The following ATF2 variants were observed in gnomAD, a reference collection of about 807,000 sequenced individuals.
ATF2 encodes the protein activating transcription factor 2.
A neutral mutation model predicts 60.6 loss-of-function variants in ATF2; 24 were observed. The observed-to-expected ratio is 0.40, with a 90% confidence interval of 0.29 to 0.56. ATF2 has a LOEUF of 0.56. ATF2 is among the 20% of genes least tolerant of loss of function. The pLI is 0.54. For missense variants in ATF2, 433 were observed against 607.7 expected, an observed-to-expected ratio of 0.71 and a Z score of 3.02; for synonymous variants, 206 against 215.4, an observed-to-expected ratio of 0.96 and a Z score of 0.38.
chr2:175,072,445 AG>A lies in ATF2; in HGVS notation c.*2163del, dbSNP rs1273638542. 1 of 152,196 alleles carries A rather than the reference AG, an allele frequency of 6.6e-6. No homozygotes were observed. The highest frequency in any genetic ancestry group is 1.9e-4 in the East Asian group (1 of 5,194). 9.4% of individuals were successfully genotyped at this position (152,196 alleles called of 1,614,324 possible). ...AACTAATAATGATTTTTATTTGCTC[AG>A]TACAGACTGATTTACAATGAAAGTT... On this transcript the variant is annotated 3_prime_UTR_variant, in exon 14 of 14. Transcript: ENST00000264110.
chr2:175,116,647 A>ATTT (rs112318637), intron 7 of ATF2, among the ~76,000 whole-genome samples: 1 of 146,622 alleles, frequency 6.8e-6, no homozygotes. Context: ...AGAGGTCCAG[A>ATTT]TTTTTTTTTT....
chr2:175,082,676 C>T (rs572775304), intron 12 of ATF2, among the ~76,000 whole-genome samples: 2 of 152,258 alleles, frequency 1.3e-5, no homozygotes, highest in African/African-American at 4.8e-5. Context: ...TCCTTTAACA[C>T]CAAACACTAG....
intron 2 of ATF2, among the ~76,000 whole-genome samples, chr2:175,149,991 A>G (rs1387447288): frequency 6.6e-6 from 1 of 152,180 alleles, no homozygotes; most frequent in Admixed American, 6.5e-5. Context: ...ACTTCAGGGT[A>G]TGATGACACA....
At chr2:175,155,770 A>G (rs893739721) in intron 1 of ATF2, among the ~76,000 whole-genome samples, 8 of 152,192 alleles carry the variant, frequency 5.3e-5, no homozygotes, top group African/African-American at 1.9e-4. Context: ...CTGTGAAATG[A>G]ATTAATTCAA....
chr2:175,084,064 C>G (rs1339406030), intron 12 of ATF2, among the ~76,000 whole-genome samples: 1 of 152,132 alleles, frequency 6.6e-6, no homozygotes, highest in African/African-American at 2.4e-5. Context: ...ACTAGTTCAA[C>G]CATTGTGGAA....
At chr2:175,104,481 C>T (rs183257154) in intron 10 of ATF2, among the ~76,000 whole-genome samples, 1 of 152,024 alleles carries the variant, frequency 6.6e-6, no homozygotes, top group African/African-American at 2.4e-5. Flanking sequence ...GGGGGCGGTG[C>T]GCAAACAGGT....
intron 11 of ATF2, among the ~76,000 whole-genome samples, chr2:175,096,568 ATTTG>A (rs1219967951): frequency 6.6e-6 from 1 of 152,170 alleles, no homozygotes; most frequent in Non-Finnish European, 1.5e-5. Flanking sequence ...AACAAGAATT[ATTTG>A]TTCTGCTAGT....
At chr2:175,094,119 G>T (rs12988083) in intron 11 of ATF2, among the ~76,000 whole-genome samples, 1 of 152,132 alleles carries the variant, frequency 6.6e-6, no homozygotes, top group African/African-American at 2.4e-5. Flanking sequence ...TTGGCCGGGC[G>T]TGGTGGCTCA....
chr2:175,146,775 T>C (rs1433532882), intron 2 of ATF2, among the ~76,000 whole-genome samples: 1 of 152,012 alleles, frequency 6.6e-6, no homozygotes, highest in East Asian at 1.9e-4. Context: ...AGGCTATATA[T>C]GCTACCTGCT....
intron 4 of ATF2, chr2:175,126,843 A>G (rs1246035581): frequency 6.6e-6 from 1 of 152,168 alleles, no homozygotes; most frequent in Non-Finnish European, 1.5e-5. Context: ...TACTTCAGGG[A>G]TTACAGAATC....
chr2:175,133,873 A>T (rs543104316), intron 3 of ATF2, among the ~76,000 whole-genome samples: 30 of 152,330 alleles, frequency 2.0e-4, no homozygotes, highest in African/African-American at 7.2e-4. Flanking sequence ...TTCTGTTTAA[A>T]TTATACCTCA....
intron 10 of ATF2, among the ~76,000 whole-genome samples, chr2:175,100,695 C>T (rs182080355): frequency 2.0e-3 from 298 of 152,352 alleles, no homozygotes; most frequent in Non-Finnish European, 3.8e-3. Flanking sequence ...GCCTGTTCCT[C>T]TTCCTTATTT....
chr2:175,163,696 C>T (rs1057416286), intron 1 of ATF2, among the ~76,000 whole-genome samples: 1 of 149,368 alleles, frequency 6.7e-6, no homozygotes, highest in Admixed American at 6.6e-5. Flanking sequence ...GTAATTCCAA[C>T]ACTTTGGGAG....
intron 10 of ATF2, among the ~76,000 whole-genome samples, chr2:175,110,035 A>G (rs1696059520): frequency 6.6e-6 from 1 of 152,202 alleles, no homozygotes; most frequent in Non-Finnish European, 1.5e-5. Context: ...CTAATGGAGA[A>G]TAGCAGTAAA....
chr2:175,117,366 A>C (rs578203630), intron 7 of ATF2, among the ~76,000 whole-genome samples: 14 of 152,074 alleles, frequency 9.2e-5, no homozygotes, highest in Non-Finnish European at 2.1e-4. Flanking sequence ...TCTAAAAAAG[A>C]ATATTGCCAC....
chr2:175,125,645 T>C (rs536858996), intron 4 of ATF2, among the ~76,000 whole-genome samples: 2 of 152,262 alleles, frequency 1.3e-5, no homozygotes, highest in Non-Finnish European at 2.9e-5. Flanking sequence ...TGTAGAAAGA[T>C]ATTCATCACA....
At chr2:175,130,291 A>G in intron 3 of ATF2, 84 bp from the exon 4 acceptor site, 1 of 893,810 alleles carries the variant, frequency 1.1e-6, no homozygotes, top group Non-Finnish European at 1.6e-6. Context: ...TTTTTCATTA[A>G]GCTTATTAAC....
rs1693110794 is a variant in ATF2, at chr2:175,074,021, CTGTA to C, written c.*584_*587del. ...TAGCTTAACAATGTGCATAAAAGCA[CTGTA>C]TGTCTTTACCATGTTTTCACTCACT... On this transcript the variant is annotated 3_prime_UTR_variant, in exon 14 of 14. Coordinates refer to ENST00000264110, the MANE Select transcript of ATF2 (RefSeq NM_001880.4). The C allele has an allele frequency of 6.6e-6, 1 of 152,090 alleles. No individual in the cohort carries two copies. Among genetic ancestry groups the C allele is most frequent in the Non-Finnish European group, 1.5e-5 (1 of 68,028 alleles). The allele number at this position is 152,090 out of a possible 1,614,324, so 9.4% of individuals were successfully genotyped here.
At chr2:175,120,033 T>G (rs1212553965) in intron 5 of ATF2, among the ~76,000 whole-genome samples, 1 of 151,578 alleles carries the variant, frequency 6.6e-6, no homozygotes, top group Non-Finnish European at 1.5e-5. Flanking sequence ...AACATGTTAG[T>G]GAAAAAAAAG....
Sources: allele counts gnomAD v4.1 joint callset (sites outside exome capture counted in the v4.1 genomes callset), GRCh38; gene constraint gnomAD v4.1.1; transcripts MANE v1.5; gene names NCBI Gene and HGNC (gene_info 2026-07-23, HGNC 2026-07-21).